Variants in CDH18 observed in about 807,000 individuals in gnomAD.
CDH18 encodes the protein cadherin-18.
A neutral mutation model predicts 67.9 loss-of-function variants in CDH18; 31 were observed. The ratio of observed to expected loss-of-function variants is 0.46; its 90% CI spans 0.34 to 0.62. The LOEUF is 0.62. Among genes scored for constraint, CDH18 ranks in the 20% least tolerant of loss-of-function variants. The pLI is 0.01. For synonymous variants in CDH18, 362 were observed against 347.2 expected, an observed-to-expected ratio of 1.04 and a Z score of -0.48; for missense variants, 890 against 975.5, an observed-to-expected ratio of 0.91 and a Z score of 1.17.
At chr5:20,159,129 T>C (rs1354018626) in intron 2 of CDH18, among the ~76,000 whole-genome samples, 1 of 152,206 alleles carries the variant, frequency 6.6e-6, no homozygotes, top group East Asian at 1.9e-4. Flanking sequence ...ATAAAGTTGC[T>C]TGACACTAAG....
At chr5:20,265,903 G>T (rs1197725541) in intron 1 of CDH18, among the ~76,000 whole-genome samples, 1 of 152,212 alleles carries the variant, frequency 6.6e-6, no homozygotes, top group African/African-American at 2.4e-5. Context: ...AGCTAGTAAA[G>T]ATGACTGACC....
Position 20,128,750 on chromosome 5 carries a change from G to A in CDH18, c.-518+126694C>T, listed in dbSNP as rs75006581. Among the ~76,000 whole-genome samples the A allele has an allele frequency of 4.6e-5, 7 of 152,030 alleles. No homozygotes were observed. In the South Asian group the frequency reaches 6.2e-4, roughly 14 times the overall value. On this transcript the variant is annotated intron_variant, in intron 2 of 14. Transcript: ENST00000507958. ...TTTGTTAGTGATTGCTCTTACATTC[G>A]TGTATTGACTTAAAGAAAATTTAAG...
intron 5 of CDH18, among the ~76,000 whole-genome samples, chr5:19,639,861 A>C (rs1753768326): frequency 6.6e-6 from 1 of 152,246 alleles, no homozygotes; most frequent in South Asian, 2.1e-4. Flanking sequence ...TATAATTTTG[A>C]AAGCAGCAAG....
At chr5:20,203,542 C>G (rs1223605131) in intron 2 of CDH18, among the ~76,000 whole-genome samples, 3 of 148,832 alleles carry the variant, frequency 2.0e-5, no homozygotes, top group Non-Finnish European at 4.4e-5. Flanking sequence ...TGAAGCACCA[C>G]TGAGTGGCAA....
intron 9 of CDH18, among the ~76,000 whole-genome samples, chr5:19,521,003 G>A (rs1746814885): frequency 6.6e-6 from 1 of 152,136 alleles, no homozygotes; most frequent in Admixed American, 6.6e-5. Context: ...ATGATATTTT[G>A]TCATATCAAG....
chr5:19,483,465 C>A lies in CDH18; in HGVS notation c.1718G>T (p.Gly573Val). 2 of 1,614,102 alleles carry A rather than the reference C, an allele frequency of 1.2e-6. No individual in the cohort carries two copies. The highest frequency in any genetic ancestry group is 1.7e-6 in the Non-Finnish European group (2 of 1,180,016). ...GCTGCTGCTGAGAGAGGGGATTCCA[C>A]CATCAGAGATCATAATGGGCAGATA... ...VYYLPIMISDGGIPSLSSSST... is the reference protein window; with the variant it reads ...VYYLPIMISDVGIPSLSSSST... The change falls in exon 12 of 13, where the codon GGT becomes GTT. Residue 573 changes from glycine to valine, a missense_variant. Physicochemically the swap from Gly to Val is moderately radical, Grantham distance 109. Coordinates refer to ENST00000382275, the MANE Select transcript of CDH18 (RefSeq NM_004934.5).
In CDH18 at chr5:20,302,810, T is replaced by C. The variant is rs537192244; in HGVS notation, c.-579-47305A>G. Among the ~76,000 whole-genome samples, 11 of 152,322 alleles carry C rather than the reference T, an allele frequency of 7.2e-5. No homozygotes were observed. In the East Asian group the frequency reaches 2.1e-3, roughly 29 times the overall value. On this transcript the variant is annotated intron_variant, in intron 1 of 14. Coordinates refer to the CDH18 transcript ENST00000507958. ...GCCTGTACACAAGATCAGCTGCTAC[T>C]AGTCTCAAATGATTCATGAGGAATC...
At chr5:19,503,244 G>A (rs1743559243) in intron 10 of CDH18, 135 bp from the exon 11 acceptor site, 1 of 595,664 alleles carries the variant, frequency 1.7e-6, no homozygotes, top group Non-Finnish European at 3.0e-6. Context: ...TTCAAATTCA[G>A]GTCATAAAAC....
intron 2 of CDH18, among the ~76,000 whole-genome samples, chr5:20,069,795 A>G (rs1743311507): frequency 6.6e-6 from 1 of 152,154 alleles, no homozygotes; most frequent in Admixed American, 6.5e-5. Context: ...GAGATTGCCC[A>G]TATACCTCTT....
rs966163285 is a variant in CDH18 at position 20,387,286 on chromosome 5, C to T, written c.-579-131781G>A. Among the ~76,000 whole-genome samples the T allele has an allele frequency of 2.6e-5, 4 of 152,046 alleles. No homozygotes were observed. The East Asian group carries it at 7.7e-4, about 29-fold the overall frequency. On this transcript the variant is annotated intron_variant, in intron 1 of 14. Coordinates refer to the CDH18 transcript ENST00000507958. The stretch of plus-strand genomic sequence containing the variant: ...TCTCCTTGAAGAGGTCCTTCTTGTC[C>T]CTTGTAAGTTGGATTCCTAGGTATT...
At chr5:20,183,967 C>T (rs1310862448) in intron 2 of CDH18, among the ~76,000 whole-genome samples, 1 of 151,960 alleles carries the variant, frequency 6.6e-6, no homozygotes. Flanking sequence ...ATGACTTACA[C>T]GAAAATATGT....
intron 2 of CDH18, among the ~76,000 whole-genome samples, chr5:19,924,498 C>A (rs947937513): frequency 2.6e-5 from 4 of 151,980 alleles, no homozygotes; most frequent in Admixed American, 2.6e-4. Flanking sequence ...TGGTGGCAGG[C>A]GCCTATAATC....
At chr5:19,574,596 A>AC (rs1344190849) in intron 7 of CDH18, among the ~76,000 whole-genome samples, 1 of 152,040 alleles carries the variant, frequency 6.6e-6, no homozygotes, top group Non-Finnish European at 1.5e-5. Flanking sequence ...ATTTGGTTTT[A>AC]CCCAAAAAAA....
chr5:19,592,113 TAGA>T (rs1257749993), intron 6 of CDH18, among the ~76,000 whole-genome samples: 7 of 152,006 alleles, frequency 4.6e-5, no homozygotes, highest in African/African-American at 1.7e-4. Flanking sequence ...TTGTAATTAC[TAGA>T]AGAAGAATTA....
chr5:20,143,227 A>G (rs77966873), intron 2 of CDH18, among the ~76,000 whole-genome samples: 1,701 of 152,268 alleles, frequency 0.011, 37 homozygotes, highest in African/African-American at 0.039. Flanking sequence ...GAAGTCTCCA[A>G]TGGAAATAAG....
chr5:19,729,358 C>CA (rs1767288623), intron 4 of CDH18, among the ~76,000 whole-genome samples: 1 of 152,108 alleles, frequency 6.6e-6, no homozygotes, highest in Non-Finnish European at 1.5e-5. Flanking sequence ...AGTTGAAGTT[C>CA]AAAAAAGTTG....
At chr5:19,797,197 T>C (rs1325353230) in intron 3 of CDH18, among the ~76,000 whole-genome samples, 2 of 151,872 alleles carry the variant, frequency 1.3e-5, no homozygotes, top group African/African-American at 4.8e-5. Context: ...TAATGGAAAA[T>C]ACTATACCAT....
intron 2 of CDH18, among the ~76,000 whole-genome samples, chr5:20,245,082 T>A (rs575261449): frequency 1.0e-3 from 153 of 152,276 alleles, no homozygotes; most frequent in African/African-American, 3.5e-3. Context: ...TTTTAGTAGA[T>A]ATGTCCTCAG....
At chr5:20,238,700 A>G (rs965906531) in intron 2 of CDH18, among the ~76,000 whole-genome samples, 8 of 152,196 alleles carry the variant, frequency 5.3e-5, no homozygotes, top group Admixed American at 5.2e-4. Flanking sequence ...ACACAAAAGA[A>G]AAGAAAGTAT....
Sources: gnomAD v4.1 joint callset for allele counts (sites outside exome capture counted in the v4.1 genomes callset) on GRCh38, gnomAD v4.1.1 for gene constraint, MANE v1.5 for transcripts, NCBI Gene and HGNC (gene_info 2026-07-23, HGNC 2026-07-21) for gene names.